Variants in DBT observed in about 807,000 individuals in gnomAD.
DBT encodes lipoamide acyltransferase component of branched-chain alpha-keto acid dehydrogenase complex, mitochondrial.
DBT carries 40 observed loss-of-function variants against 51.3 expected under a neutral mutation model. That is an observed-to-expected ratio of 0.78 (90% CI 0.61 to 1.02). DBT has a LOEUF of 1.02. Among genes scored for constraint, DBT ranks in the 50% least tolerant of loss-of-function variants. The pLI, the probability that DBT is intolerant of heterozygous loss-of-function variation, is 0.00. For synonymous variants in DBT, 181 were observed against 190.4 expected, an observed-to-expected ratio of 0.95 and a Z score of 0.41; for missense variants, 510 against 580.2, an observed-to-expected ratio of 0.88 and a Z score of 1.24.
At position 100,210,671 on chromosome 1, in the gene DBT, C is replaced by A. The variant is rs774692981; in HGVS notation, c.1017+23G>T. ...CCCCATCTTCTATTAATAATAAGAA[C>A]ATTTTTACTCTGCATAGCCAACCTT... On this transcript the variant is annotated intron_variant, in intron 8 of 10. Coordinates refer to ENST00000370132, the MANE Select transcript of DBT (RefSeq NM_001918.5). 24 of 1,612,852 alleles carry A rather than the reference C, an allele frequency of 1.5e-5. No individual in the cohort carries two copies. In the South Asian group the frequency reaches 2.4e-4, roughly 16 times the overall value.
At chr1:100,230,686 G>T (rs1663500405) in intron 4 of DBT, 47 bp downstream of exon 4, 6 of 1,223,862 alleles carry the variant, frequency 4.9e-6, no homozygotes, top group Non-Finnish European at 7.0e-6. Context: ...ATGACAAAAA[G>T]AGACCAATAA....
chr1:100,213,682 G>C, intron 7 of DBT: 1 of 1,608,518 alleles, frequency 6.2e-7, no homozygotes, highest in South Asian at 1.1e-5. Flanking sequence ...GGGAACACCA[G>C]GCTCGGCCTT....
At chr1:100,214,768 AACAAATAAATGT>A in intron 7 of DBT, 37 bp downstream of exon 7, 1 of 1,594,128 alleles carries the variant, frequency 6.3e-7, no homozygotes, top group Non-Finnish European at 8.6e-7. Flanking sequence ...AAGACAAACA[AACAAATAAATGT>A]CCTACTCAAG....
rs1164385718 is a variant in DBT at position 100,216,009 on chromosome 1, C to A, written c.746G>T (p.Gly249Val). Residue 249 changes from glycine to valine, a missense_variant, in exon 6 of 11, where the codon GGC becomes GTC. Transcript: ENST00000370132. ...TTTTATGGGTTCTGTTTTGTCTTTG[C>A]CTGTGAATACCGGAGGTTTTGATAC... Reference protein sequence around the residue: ...ILVSKPPVFTGKDKTEPIKGF... With the variant: ...ILVSKPPVFTVKDKTEPIKGF... 1 of 1,605,208 alleles carries A rather than the reference C, an allele frequency of 6.2e-7. No homozygotes were observed. Among genetic ancestry groups the A allele is most frequent in the South Asian group, 1.1e-5 (1 of 90,896 alleles).
At chr1:100,213,644 C>T in intron 7 of DBT, 2 of 1,610,352 alleles carry the variant, frequency 1.2e-6, no homozygotes, top group Non-Finnish European at 1.7e-6. Context: ...GCGAAGATGC[C>T]CCAACTGTGG....
chr1:100,202,499 A>ATT (rs1661516905), intron 10 of DBT, among the ~76,000 whole-genome samples: 3 of 151,546 alleles, frequency 2.0e-5, no homozygotes, highest in Non-Finnish European at 4.4e-5. Flanking sequence ...TAGACAGAAC[A>ATT]TTAGACATTA....
In DBT at chr1:100,188,900, C is replaced by T. The variant is rs1463856920; in HGVS notation, c.*7355G>A. On this transcript the variant is annotated 3_prime_UTR_variant, in exon 11 of 11. Coordinates refer to ENST00000370132, the MANE Select transcript of DBT (RefSeq NM_001918.5). ...GTTCTCTCACACGGTCTGGCTAGCA[C>T]AGTAATTTGCTTGTGGTTAAAAGCC... 1.3e-5 allele frequency: 2 copies of T among 152,186 alleles called. No individual in the cohort carries two copies. The highest frequency in any genetic ancestry group is 2.9e-5 in the Non-Finnish European group (2 of 68,052). 9.4% of individuals were successfully genotyped at this position (152,186 alleles called of 1,614,324 possible).
chr1:100,211,584 C>A (rs1399334941), intron 7 of DBT, among the ~76,000 whole-genome samples: 1 of 152,116 alleles, frequency 6.6e-6, no homozygotes, highest in Non-Finnish European at 1.5e-5. Context: ...TTGTGTTATT[C>A]TTCTCAGTGC....
rs1660791823 is a variant in DBT at position 100,191,289 on chromosome 1, C to T, written c.*4966G>A. ...AGAGTAGAATTATTTCTCAAATTAA[C>T]ATTGAACTTAAACTGGGAAGAAAAT... On this transcript the variant is annotated 3_prime_UTR_variant, in exon 11 of 11. Coordinates refer to ENST00000370132, the MANE Select transcript of DBT (RefSeq NM_001918.5). The T allele has an allele frequency of 6.6e-6, 1 of 152,144 alleles. No individual in the cohort carries two copies. The highest frequency in any genetic ancestry group is 1.5e-5 in the Non-Finnish European group (1 of 68,034). 9.4% of individuals were successfully genotyped at this position (152,144 alleles called of 1,614,324 possible).
At chr1:100,247,132 C>G (rs555280588) in intron 1 of DBT, among the ~76,000 whole-genome samples, 168 of 152,276 alleles carry the variant, frequency 1.1e-3, no homozygotes, top group African/African-American at 3.9e-3. Context: ...GGAATGAGAT[C>G]TAAGAGACTG....
At chr1:100,213,737 T>C (rs1662304625) in intron 7 of DBT, 1 of 1,550,986 alleles carries the variant, frequency 6.4e-7, no homozygotes, top group African/African-American at 1.4e-5. Context: ...TTGTGTTCAA[T>C]AGTTTTATTT....
chr1:100,208,684 G>A (rs60075529), intron 8 of DBT, among the ~76,000 whole-genome samples: 156 of 151,222 alleles, frequency 1.0e-3, no homozygotes, highest in African/African-American at 3.7e-3. Context: ...GATCACTTGA[G>A]CCCAGGAGTT....
chr1:100,205,479 GA>G (rs1276026949), intron 10 of DBT, among the ~76,000 whole-genome samples: 1 of 152,184 alleles, frequency 6.6e-6, no homozygotes, highest in Non-Finnish European at 1.5e-5. Flanking sequence ...TAGAGAGATA[GA>G]AACGCTTTTA....
intron 4 of DBT, among the ~76,000 whole-genome samples, chr1:100,226,203 CA>C (rs1046380523): frequency 6.7e-6 from 1 of 150,052 alleles, no homozygotes; most frequent in Admixed American, 6.6e-5. Context: ...AATCTGAATC[CA>C]AAAAAAACTG....
intron 1 of DBT, among the ~76,000 whole-genome samples, chr1:100,248,717 A>G (rs954929551): frequency 6.6e-6 from 1 of 152,234 alleles, no homozygotes; most frequent in Admixed American, 6.5e-5. Context: ...TAGAAAGAAG[A>G]GAGACCAATA....
chr1:100,241,929 G>A (rs979722077), intron 1 of DBT, among the ~76,000 whole-genome samples: 8 of 151,992 alleles, frequency 5.3e-5, no homozygotes, highest in African/African-American at 1.5e-4. Context: ...GCTGAGGCAG[G>A]AGAATCGCTT....
intron 8 of DBT, among the ~76,000 whole-genome samples, chr1:100,208,783 C>T (rs1661946475): frequency 1.3e-5 from 2 of 150,354 alleles, no homozygotes; most frequent in African/African-American, 4.9e-5. Flanking sequence ...TGGCACGTGC[C>T]TATAGTCCCA....
chr1:100,218,838 A>G, intron 4 of DBT, 91 bp from the exon 5 acceptor site: 1 of 956,130 alleles, frequency 1.0e-6, no homozygotes, highest in Non-Finnish European at 1.6e-6. Context: ...GTGGCCTATA[A>G]TATCTAAATA....
chr1:100,213,231 C>G (rs1206667274), intron 7 of DBT: 14 of 1,047,066 alleles, frequency 1.3e-5, no homozygotes, highest in Non-Finnish European at 1.8e-5. Flanking sequence ...TCAGAGGGGC[C>G]CGAGCCACCC....
Sources: gnomAD v4.1 joint callset for allele counts (sites outside exome capture counted in the v4.1 genomes callset) on GRCh38, gnomAD v4.1.1 for gene constraint, MANE v1.5 for transcripts, NCBI Gene and HGNC (gene_info 2026-07-23, HGNC 2026-07-21) for gene names.